Variants in PCNT observed in about 807,000 individuals in gnomAD.
PCNT encodes the protein pericentrin.
PCNT carries 319 observed loss-of-function variants against 380.4 expected under a neutral mutation model. The ratio of observed to expected loss-of-function variants is 0.84; its 90% CI spans 0.77 to 0.92. The LOEUF is 0.92. Ranked by LOEUF, PCNT falls within the 40% of genes least tolerant of loss-of-function variation. The pLI, the probability that PCNT is intolerant of heterozygous loss-of-function variation, is 0.00. For missense variants in PCNT, 4,400 were observed against 4,255.3 expected, an observed-to-expected ratio of 1.03 and a Z score of -0.95; for synonymous variants, 1,845 against 1,735.2, an observed-to-expected ratio of 1.06 and a Z score of -1.57.
chr21:46,445,209 A>G (rs1480730274), intron 46 of PCNT, 75 bp from the exon 47 acceptor site: 1 of 1,014,990 alleles, frequency 9.9e-7, no homozygotes, highest in Non-Finnish European at 1.6e-6. Context: ...TAGTGTTTCA[A>G]AATTGTGGAA....
intron 15 of PCNT, among the ~76,000 whole-genome samples, chr21:46,373,966 G>A (rs1207369386): frequency 1.3e-5 from 2 of 151,920 alleles, no homozygotes; most frequent in African/African-American, 2.4e-5. Flanking sequence ...CTGACCTTGT[G>A]ATCTGTCCGT....
In PCNT at chr21:46,337,587, T is replaced by C. The variant is rs189902590; in HGVS notation, c.639+2819T>C. ...AATTTTTTAAAGTTGCATACTGTTT[T>C]GTTTTGTTTTTTGAGATGGAGTTTC... On this transcript the variant is annotated intron_variant, in intron 3 of 46. Transcript: ENST00000359568. 1.1e-4 allele frequency among the ~76,000 whole-genome samples: 17 copies of C among 152,198 alleles called. No individual in the cohort carries two copies. In the East Asian group the frequency reaches 3.3e-3, roughly 30 times the overall value.
In PCNT at chr21:46,436,003, C is replaced by T. The variant is rs751117556; in HGVS notation, c.8851C>T (p.Arg2951Cys). ...LESKDEVPGS[R>C]LHLGSARRAA... ...GTCGAAGGACGAGGTGCCTGGCAGCCGCCTCCACCTAGGTTCTGCCCGCAG... is the reference window on the plus strand; with the variant it reads ...GTCGAAGGACGAGGTGCCTGGCAGCTGCCTCCACCTAGGTTCTGCCCGCAG... The change falls in exon 39 of 47, where the codon CGC becomes TGC. Residue 2951 changes from arginine (R) to cysteine (C), a missense_variant. By Grantham distance (180) the Arg-to-Cys change is radical. Coordinates refer to ENST00000359568, the MANE Select transcript of PCNT (RefSeq NM_006031.6). 2.7e-5 allele frequency: 43 copies of T among 1,614,018 alleles called. No individual in the cohort carries two copies. Among genetic ancestry groups the T allele is most frequent in the African/African-American group, 1.7e-4 (13 of 74,940 alleles).
At chr21:46,327,206 G>A (rs1158464474) in intron 2 of PCNT, among the ~76,000 whole-genome samples, 6 of 151,334 alleles carry the variant, frequency 4.0e-5, no homozygotes, top group African/African-American at 9.7e-5. Context: ...GACTACAGGC[G>A]CCCGCCACCA....
chr21:46,389,842 G>A (rs1441328156), intron 19 of PCNT, among the ~76,000 whole-genome samples: 1 of 152,218 alleles, frequency 6.6e-6, no homozygotes, highest in African/African-American at 2.4e-5. Flanking sequence ...CAGCACTTTG[G>A]GAGGCTAAGG....
chr21:46,443,877 C>CGCCAG lies in PCNT; in HGVS notation c.9768_9769insGCCAG (p.Ser3257AlafsTer35). 1 of 1,613,206 alleles carries CGCCAG rather than the reference C, an allele frequency of 6.2e-7. No individual in the cohort carries two copies. The highest frequency in any genetic ancestry group is 8.5e-7 in the Non-Finnish European group (1 of 1,179,986). On this transcript the variant is annotated frameshift_variant, in exon 45 of 47. Transcript: ENST00000359568. LOFTEE classifies it high-confidence loss of function. ...AGTCCCCCCCAACCCGGGATGTACCCTCTGGCCACACCAGGGACCCTGCCA... is the reference window on the plus strand; with the variant it reads ...AGTCCCCCCCAACCCGGGATGTACCCGCCAGTCTGGCCACACCAGGGACCCTGCCA...
Position 46,334,385 on chromosome 21 carries a change from T to C in PCNT, c.268-12T>C. ...TGCTTTAAATGCTTCTTTCTGGTCC[T>C]CCCCTTCTTAGCCGGAGGACTGTGA... On this transcript the variant is annotated splice_polypyrimidine_tract_variant and intron_variant, in intron 2 of 46. Transcript: ENST00000359568. 1 of 1,614,084 alleles carries C rather than the reference T, an allele frequency of 6.2e-7. No individual in the cohort carries two copies. Among genetic ancestry groups the C allele is most frequent in the Non-Finnish European group, 8.5e-7 (1 of 1,179,978 alleles).
At chr21:46,361,173 T>C (rs1388847156) in intron 13 of PCNT, among the ~76,000 whole-genome samples, 1 of 152,084 alleles carries the variant, frequency 6.6e-6, no homozygotes, top group African/African-American at 2.4e-5. Flanking sequence ...TCACCCAAGG[T>C]CAGGAGTTTG....
At position 46,412,986 on chromosome 21, in the gene PCNT, C is replaced by T. The variant is rs777489939; in HGVS notation, c.6144C>T (p.Gly2048=). Residue 2048 remains glycine, a synonymous_variant, in exon 29 of 47, where the codon GGC becomes GGT. Transcript: ENST00000359568. ...KNEMRLSLED[G]GKGKEKVLED... ...AAATGCGCCTGAGTCTGGAGGACGG[C>T]GGCAAGGTGTGGGGAGGGGGGAAGG... The T allele has an allele frequency of 8.1e-5, 131 of 1,607,926 alleles. No homozygotes were observed. Among genetic ancestry groups the T allele is most frequent in the Non-Finnish European group, 9.2e-5 (109 of 1,179,914 alleles).
intron 8 of PCNT, 99 bp downstream of exon 8, chr21:46,349,919 T>G (rs2084205153): frequency 8.3e-7 from 1 of 1,199,282 alleles, no homozygotes; most frequent in Non-Finnish European, 1.2e-6. Flanking sequence ...TGCTAAAACT[T>G]AAGTTCTAAA....
chr21:46,360,612 A>G (rs1339946830), intron 13 of PCNT, among the ~76,000 whole-genome samples: 2 of 126,590 alleles, frequency 1.6e-5, no homozygotes, highest in Non-Finnish European at 3.3e-5. Flanking sequence ...TCCGCCTCCC[A>G]GGTTCACGCC....
chr21:46,381,423 G>A (rs1250621224), intron 15 of PCNT, among the ~76,000 whole-genome samples: 1 of 152,108 alleles, frequency 6.6e-6, no homozygotes, highest in Non-Finnish European at 1.5e-5. Flanking sequence ...ATTTGGGAAT[G>A]GTAGTGAGCA....
At position 46,431,807 on chromosome 21, in the gene PCNT, C is replaced by T. The variant is rs760087161; in HGVS notation, c.8343C>T (p.His2781=). ...AGAGGACACAGGAGGCTTGCGTGCA[C>T]CAGGACACACAGGCCCATCACGCTC... ...LSQRTQEACV[H]QDTQAHHALL... The change falls in exon 38 of 47, where the codon CAC becomes CAT. Residue 2781 remains histidine, a synonymous_variant. Transcript: ENST00000359568. The T allele has an allele frequency of 3.7e-6, 6 of 1,613,648 alleles. No homozygotes were observed. Among genetic ancestry groups the T allele is most frequent in the Non-Finnish European group, 5.1e-6 (6 of 1,180,040 alleles).
rs757933494 is a variant in PCNT, at chr21:46,411,434, C to A, written c.5361C>A (p.Ala1787=). The change falls in exon 28 of 47, where the codon GCC becomes GCA. Residue 1787 remains alanine, a synonymous_variant. Coordinates refer to ENST00000359568, the MANE Select transcript of PCNT (RefSeq NM_006031.6). ...AGGCCGGGGGCCCTCGTGGGCAGGCCCTACAGGGCGAGCTCGAGGCTGCGC... is the reference window on the plus strand; with the variant it reads ...AGGCCGGGGGCCCTCGTGGGCAGGCACTACAGGGCGAGCTCGAGGCTGCGC... The part of the protein sequence containing the change: ...CSQAGGPRGQ[A]LQGELEAALE... 1.9e-6 allele frequency: 3 copies of A among 1,612,356 alleles called. No individual in the cohort carries two copies. The highest frequency in any genetic ancestry group is 2.5e-6 in the Non-Finnish European group (3 of 1,179,710).
intron 15 of PCNT, among the ~76,000 whole-genome samples, chr21:46,369,890 A>G (rs2085056107): frequency 6.6e-6 from 1 of 152,142 alleles, no homozygotes; most frequent in African/African-American, 2.4e-5. Context: ...CCCTGCAGGA[A>G]CTCAGAGATG....
intron 26 of PCNT, 44 bp from the exon 27 acceptor site, chr21:46,402,287 A>G (rs1398336779): frequency 2.3e-6 from 3 of 1,313,006 alleles, no homozygotes; most frequent in Non-Finnish European, 3.2e-6. Context: ...TTAATAGAAT[A>G]TTAGATGACT....
chr21:46,367,651 C>T (rs1346249451), intron 15 of PCNT, among the ~76,000 whole-genome samples: 1 of 152,092 alleles, frequency 6.6e-6, no homozygotes, highest in Non-Finnish European at 1.5e-5. Flanking sequence ...ATTTTGATCG[C>T]AGGCACCTTG....
At chr21:46,335,404 A>G (rs1029999837) in intron 3 of PCNT, among the ~76,000 whole-genome samples, 1 of 152,166 alleles carries the variant, frequency 6.6e-6, no homozygotes, top group Non-Finnish European at 1.5e-5. Context: ...TGTTAAAAGC[A>G]TATATTTTAG....
At chr21:46,333,541 G>A (rs1218261735) in intron 2 of PCNT, among the ~76,000 whole-genome samples, 5 of 152,044 alleles carry the variant, frequency 3.3e-5, no homozygotes, top group Non-Finnish European at 5.9e-5. Context: ...CGGAGGCGGA[G>A]GTTGCAGTGA....
Sources: gnomAD v4.1 joint callset for allele counts (sites outside exome capture counted in the v4.1 genomes callset) on GRCh38, gnomAD v4.1.1 for gene constraint, MANE v1.5 for transcripts, NCBI Gene and HGNC (gene_info 2026-07-23, HGNC 2026-07-21) for gene names.